Variants in RTEL1 observed in about 807,000 individuals in gnomAD.
RTEL1 encodes the protein regulator of telomere elongation helicase 1, also known as regulator of telomere length.
In RTEL1, 86 loss-of-function variants were observed where a neutral mutation model predicts 162.2. The observed-to-expected ratio is 0.53, with a 90% CI of 0.45 to 0.63. The LOEUF (loss-of-function observed/expected upper bound fraction) is 0.63. Ranked by LOEUF, RTEL1 falls within the 30% of genes least tolerant of loss-of-function variation. The pLI is 0.00. For missense variants in RTEL1, 1,941 were observed against 1,750.2 expected (o/e 1.11, Z -1.95); for synonymous variants, 958 against 717.9 (o/e 1.33, Z -5.35).
At chr20:63,681,845 A>G in intron 14 of RTEL1, 1 of 984,502 alleles carries the variant, frequency 1.0e-6, no homozygotes, top group Non-Finnish European at 1.2e-6. Context: ...TGTCCTCCCA[A>G]CTCCTCCCCA....
intron 14 of RTEL1, among the ~76,000 whole-genome samples, chr20:63,683,588 C>T (rs886516483): frequency 2.0e-5 from 3 of 152,226 alleles, no homozygotes; most frequent in African/African-American, 4.8e-5. Flanking sequence ...GTCTGCCCCC[C>T]GGTGTTCTCT....
chr20:63,662,003 G>A, intron 4 of RTEL1, 60 bp downstream of exon 4: 2 of 1,286,470 alleles, frequency 1.6e-6, no homozygotes, highest in South Asian at 1.2e-5. Context: ...TTGGCATGGT[G>A]CTGAGTCCAC....
chr20:63,676,796 G>A (rs1601127628), intron 10 of RTEL1, among the ~76,000 whole-genome samples: 3 of 152,298 alleles, frequency 2.0e-5, no homozygotes, highest in South Asian at 4.1e-4. Context: ...TTAGCCAGGT[G>A]TGGTGGTGCA....
chr20:63,693,229 C>T lies in RTEL1; in HGVS notation c.2938C>T (p.Pro980Ser), dbSNP rs1417541465. The T allele has an allele frequency of 2.5e-6, 4 of 1,611,984 alleles. No homozygotes were observed. The highest frequency in any genetic ancestry group is 3.4e-6 in the Non-Finnish European group (4 of 1,179,514). Residue 980 changes from proline to serine, a missense_variant, in exon 30 of 35, where the codon CCT becomes TCT. Physicochemically the swap from Pro to Ser is moderately conservative, Grantham distance 74 (BLOSUM62 -1). Transcript: ENST00000360203. The part of the protein sequence containing the change: ...QLTGRGCGYR[P>S]EHSIPRRQRA... ...GACAGGACGAGGCTGTGGCTATCGG[C>T]CTGAGCACAGCATTCCCCGAAGGCA...
rs373436285 is a variant in RTEL1, at chr20:63,678,259, G to A, written c.959-9G>A. ...GCGAGGAGGTGGGTGACACCTCCTC[G>A]ACCCACAGTGATCCTGCTGCGCCTG... is the stretch of plus-strand genomic sequence containing the variant. On this transcript the variant is annotated splice_polypyrimidine_tract_variant and intron_variant, in intron 11 of 34. Coordinates refer to ENST00000360203, the MANE Select transcript of RTEL1 (RefSeq NM_001283009.2). The A allele has an allele frequency of 2.4e-5, 39 of 1,612,172 alleles. No homozygotes were observed. The highest frequency in any genetic ancestry group is 1.6e-4 in the African/African-American group (12 of 74,956).
rs147040733 is a variant in RTEL1 at position 63,692,984 on chromosome 20, G to A, written c.2832G>A (p.Lys944=). 1.7e-5 allele frequency: 27 copies of A among 1,612,496 alleles called. No individual in the cohort carries two copies. In the Admixed American group the frequency reaches 3.0e-4, roughly 18 times the overall value. The change falls in exon 29 of 35, where the codon AAG becomes AAA. Residue 944 remains lysine, a synonymous_variant. Coordinates refer to ENST00000360203, the MANE Select transcript of RTEL1 (RefSeq NM_001283009.2). ...CLGPLFAEDP[K]KHNLLQGFYQ... is the part of the protein sequence containing the mutation. The stretch of plus-strand genomic sequence containing the variant: ...GCCCCCTCTTTGCTGAGGACCCCAA[G>A]AAGCACAACCTGCTCCAAGGTGCCC...
intron 27 of RTEL1, among the ~76,000 whole-genome samples, chr20:63,691,211 G>C (rs544834908): frequency 3.9e-5 from 6 of 152,300 alleles, no homozygotes; most frequent in African/African-American, 1.4e-4. Flanking sequence ...TTCTCTGGCG[G>C]GTCAGCTTGG....
rs6011018 is a variant in RTEL1 at position 63,672,269 on chromosome 20, T to G, written c.700-287T>G. Among the ~76,000 whole-genome samples the G allele has an allele frequency of 0.81, 122,957 of 152,200 alleles. 50,843 individuals are homozygous for G. Among genetic ancestry groups the G allele is most frequent in the African/African-American group, 0.94 (38,978 of 41,554 alleles). On this transcript the variant is annotated intron_variant, in intron 8 of 34. Transcript: ENST00000360203. ...TTCCTGGCTCCTCTGGTCTGTGGCTTCCTGACTGCGGTGGCCGGGGGCTCC... is the reference window on the plus strand; with the variant it reads ...TTCCTGGCTCCTCTGGTCTGTGGCTGCCTGACTGCGGTGGCCGGGGGCTCC...
rs1024969131 is a variant in RTEL1 at position 63,662,246 on chromosome 20, T to A, written c.396-300T>A. 3 of 629,308 alleles carry A rather than the reference T, an allele frequency of 4.8e-6. No individual in the cohort carries two copies. In the African/African-American group the frequency reaches 5.5e-5, roughly 11 times the overall value. 39.0% of individuals were successfully genotyped at this position (629,308 alleles called of 1,614,324 possible). ...TCAGGGCTGGCCCCCAGTGCAGCTT[T>A]GCACATGAAGTAGGAGGAGGCCCTG... On this transcript the variant is annotated intron_variant, in intron 4 of 34. Transcript: ENST00000360203.
At chr20:63,682,138 A>C (rs1164933339) in intron 14 of RTEL1, 2 of 985,350 alleles carry the variant, frequency 2.0e-6, no homozygotes, top group African/African-American at 1.7e-5. Flanking sequence ...CTTATGGAGA[A>C]GTCTCCTCCA....
At chr20:63,679,483 C>G (rs748728817) in intron 12 of RTEL1, among the ~76,000 whole-genome samples, 3 of 152,152 alleles carry the variant, frequency 2.0e-5, no homozygotes, top group Non-Finnish European at 4.4e-5. Flanking sequence ...GACCCCATCC[C>G]TCCCCTCTGA....
intron 27 of RTEL1, among the ~76,000 whole-genome samples, 184 bp from the exon 28 acceptor site, chr20:63,691,558 G>A (rs1440740262): frequency 1.3e-5 from 2 of 152,122 alleles, no homozygotes; most frequent in Non-Finnish European, 2.9e-5. Context: ...CTCATGAGCC[G>A]CTGGTGTGAC....
chr20:63,695,962 G>T lies in RTEL1; in HGVS notation c.*104G>T. The T allele has an allele frequency of 5.9e-6, 7 of 1,186,370 alleles. No individual in the cohort carries two copies. The South Asian group carries it at 1.0e-4, about 17-fold the overall frequency. The allele number at this position is 1,186,370 out of a possible 1,614,324, so 73.5% of individuals were successfully genotyped here. On this transcript the variant is annotated 3_prime_UTR_variant, in exon 35 of 35. Coordinates refer to ENST00000360203, the MANE Select transcript of RTEL1 (RefSeq NM_001283009.2). ...CAACAGAATAGGCCAGCCCATGCCA[G>T]CCGGCTTGGCCCGCTGCAGGCCTCA... is the stretch of plus-strand genomic sequence containing the variant.
chr20:63,672,024 C>T (rs1054695128), intron 8 of RTEL1, among the ~76,000 whole-genome samples: 3 of 151,954 alleles, frequency 2.0e-5, no homozygotes, highest in African/African-American at 7.3e-5. Context: ...GCTGGGATTA[C>T]AGGCACACAC....
intron 8 of RTEL1, among the ~76,000 whole-genome samples, chr20:63,669,275 C>T (rs2090200337): frequency 1.3e-5 from 2 of 152,202 alleles, no homozygotes; most frequent in Non-Finnish European, 2.9e-5. Flanking sequence ...TGAATCTTAA[C>T]TCTTGTTTTA....
Position 63,661,741 on chromosome 20 carries a change from C to T in RTEL1, c.302-109C>T. 1 of 1,038,330 alleles carries T rather than the reference C, an allele frequency of 9.6e-7. No homozygotes were observed. Among genetic ancestry groups the T allele is most frequent in the Admixed American group, 1.9e-5 (1 of 52,178 alleles). The allele number at this position is 1,038,330 out of a possible 1,614,324, so 64.3% of individuals were successfully genotyped here. A position where few individuals can be genotyped will look rare whatever the true frequency, so the allele number is the denominator to read the frequency against. Reference sequence around the variant, plus strand: ...TTTGATAAACCAGTATCTGGGGTGTCAGATTCTTGGCTGTCTGCAGGGCCG... The same window carrying T: ...TTTGATAAACCAGTATCTGGGGTGTTAGATTCTTGGCTGTCTGCAGGGCCG... On this transcript the variant is annotated intron_variant, in intron 3 of 34. Transcript: ENST00000360203. This position sits in a 1 kb window ranked among gnomAD's most constrained non-coding sequence, Gnocchi z 5.1.
At chr20:63,690,974 C>T (rs938126520) in intron 27 of RTEL1, 27 bp downstream of exon 27, 84 of 1,536,272 alleles carry the variant, frequency 5.5e-5, no homozygotes, top group Non-Finnish European at 7.0e-5. Flanking sequence ...TTGGGATGGA[C>T]ACAGACCCTC....
chr20:63,665,090 G>T, intron 6 of RTEL1: 1 of 155,864 alleles, frequency 6.4e-6, no homozygotes. Context: ...CTGGGGTTGG[G>T]TCATCGCTGG....
chr20:63,669,680 G>A (rs2090209005), intron 8 of RTEL1, among the ~76,000 whole-genome samples: 1 of 150,956 alleles, frequency 6.6e-6, no homozygotes. Context: ...ACCACTGGGA[G>A]AGCATCCGGA....
Sources: gnomAD v4.1 joint callset for allele counts (sites outside exome capture counted in the v4.1 genomes callset) on GRCh38, gnomAD v4.1.1 for gene constraint, Gnocchi (gnomAD v3.1) non-coding constraint, MANE v1.5 for transcripts, NCBI Gene and HGNC (gene_info 2026-07-23, HGNC 2026-07-21) for gene names.